Variants in DNAJC1 observed in about 807,000 individuals in gnomAD.
The protein encoded by DNAJC1 is DnaJ heat shock protein family (Hsp40) member C1, also known as dnaJ homolog subfamily C member 1.
A neutral mutation model predicts 76.6 loss-of-function variants in DNAJC1; 58 were observed. The observed-to-expected ratio is 0.76, with a 90% CI of 0.61 to 0.94. The LOEUF (loss-of-function observed/expected upper bound fraction) is 0.94. Among genes scored for constraint, DNAJC1 ranks in the 40% least tolerant of loss-of-function variants. DNAJC1 has a pLI of 0.00. For missense variants in DNAJC1, 689 were observed against 677.3 expected (o/e 1.02, Z -0.19); for synonymous variants, 258 against 267.9 (o/e 0.96, Z 0.36).
chr10:21,960,502 A>G (rs1255295016), intron 1 of DNAJC1, among the ~76,000 whole-genome samples: 1 of 152,210 alleles, frequency 6.6e-6, no homozygotes, highest in Non-Finnish European at 1.5e-5. Flanking sequence ...ACTTGAGCCC[A>G]GGAGTTAAAG....
chr10:21,941,773 T>C (rs1477954074), intron 1 of DNAJC1, among the ~76,000 whole-genome samples: 2 of 151,978 alleles, frequency 1.3e-5, no homozygotes, highest in East Asian at 1.9e-4. Flanking sequence ...GACAACCTAA[T>C]AGTGGCCTAG....
intron 9 of DNAJC1, among the ~76,000 whole-genome samples, chr10:21,797,645 G>C (rs1206146588): frequency 6.6e-6 from 1 of 152,194 alleles, no homozygotes. Context: ...CCTCATGAAT[G>C]GGTTAATGAC....
intron 9 of DNAJC1, 83 bp from the exon 10 acceptor site, chr10:21,766,392 G>T: frequency 1.0e-6 from 1 of 1,003,950 alleles, no homozygotes; most frequent in Non-Finnish European, 1.6e-6. Flanking sequence ...TAAGCTCCAT[G>T]TGAATGAACA....
At chr10:21,918,153 C>G (rs1339126274) in intron 6 of DNAJC1, among the ~76,000 whole-genome samples, 1 of 151,528 alleles carries the variant, frequency 6.6e-6, no homozygotes. Context: ...ATTAACAAAG[C>G]AATAATTTAA....
At chr10:21,968,764 C>T (rs1010940839) in intron 1 of DNAJC1, among the ~76,000 whole-genome samples, 1 of 152,130 alleles carries the variant, frequency 6.6e-6, no homozygotes, top group African/African-American at 2.4e-5. Flanking sequence ...CCCACCTAGG[C>T]CCTGCAAAGT....
At chr10:21,960,612 C>A (rs1446336799) in intron 1 of DNAJC1, among the ~76,000 whole-genome samples, 2 of 152,122 alleles carry the variant, frequency 1.3e-5, no homozygotes, top group East Asian at 3.9e-4. Context: ...ATCACTTGAG[C>A]CCTGGAGGTT....
intron 9 of DNAJC1, among the ~76,000 whole-genome samples, chr10:21,803,481 G>C (rs1021537542): frequency 2.0e-5 from 3 of 152,002 alleles, no homozygotes; most frequent in African/African-American, 7.2e-5. Context: ...CATTATACTA[G>C]AGAAACAATA....
At chr10:21,786,443 T>C (rs1462640598) in intron 9 of DNAJC1, among the ~76,000 whole-genome samples, 2 of 97,568 alleles carry the variant, frequency 2.0e-5, no homozygotes, top group Non-Finnish European at 4.2e-5. Context: ...TATATATATA[T>C]ATATATATAT....
At chr10:21,798,410 C>T (rs1416802864) in intron 9 of DNAJC1, among the ~76,000 whole-genome samples, 1 of 152,192 alleles carries the variant, frequency 6.6e-6, no homozygotes, top group Non-Finnish European at 1.5e-5. Flanking sequence ...CCAAAAAGGG[C>T]CAATATGGCC....
intron 1 of DNAJC1, among the ~76,000 whole-genome samples, chr10:21,930,847 T>C (rs1437909018): frequency 1.3e-5 from 2 of 152,208 alleles, no homozygotes; most frequent in Non-Finnish European, 2.9e-5. Context: ...CAATCTCTAA[T>C]TGGGATTTTA....
intron 1 of DNAJC1, among the ~76,000 whole-genome samples, chr10:21,994,508 G>T (rs1220619451): frequency 6.6e-6 from 1 of 152,128 alleles, no homozygotes; most frequent in Non-Finnish European, 1.5e-5. Context: ...TAAGAAGTTG[G>T]CCAGGCGCGG....
At chr10:21,866,636 C>A (rs1836005715) in intron 8 of DNAJC1, among the ~76,000 whole-genome samples, 1 of 151,942 alleles carries the variant, frequency 6.6e-6, no homozygotes, top group Non-Finnish European at 1.5e-5. Context: ...ACAAGCAACC[C>A]CAAACTAATA....
At chr10:21,924,798 TTGTATAGCTTCTACACA>T (rs1837096654) in intron 3 of DNAJC1, among the ~76,000 whole-genome samples, 1 of 152,354 alleles carries the variant, frequency 6.6e-6, no homozygotes, top group African/African-American at 2.4e-5. Context: ...CAAACCTATG[TTGTATAGCTTCTACACA>T]TGTAGGCTAT....
chr10:21,768,368 A>T (rs1834326573), intron 9 of DNAJC1, among the ~76,000 whole-genome samples: 2 of 152,220 alleles, frequency 1.3e-5, no homozygotes, highest in Admixed American at 6.5e-5. Flanking sequence ...AAGAGCCGAG[A>T]GTCAGGCAGA....
intron 1 of DNAJC1, among the ~76,000 whole-genome samples, chr10:21,993,842 T>C (rs1838367792): frequency 6.6e-6 from 1 of 152,190 alleles, no homozygotes; most frequent in South Asian, 2.1e-4. Flanking sequence ...CTTCTAGCTC[T>C]ATATTTTCCC....
At chr10:21,911,302 G>A (rs1015539515) in intron 6 of DNAJC1, among the ~76,000 whole-genome samples, 3 of 152,028 alleles carry the variant, frequency 2.0e-5, no homozygotes, top group African/African-American at 7.2e-5. Flanking sequence ...TTCAATGTAG[G>A]AAAATACCAT....
intron 9 of DNAJC1, among the ~76,000 whole-genome samples, chr10:21,778,648 G>A (rs1477786141): frequency 6.6e-6 from 1 of 152,214 alleles, no homozygotes; most frequent in Non-Finnish European, 1.5e-5. Flanking sequence ...AACAGCTCTA[G>A]TCTACAGCTC....
At chr10:21,926,492 G>A (rs1590052259) in intron 3 of DNAJC1, among the ~76,000 whole-genome samples, 2 of 152,078 alleles carry the variant, frequency 1.3e-5, no homozygotes, top group East Asian at 3.8e-4. Flanking sequence ...AAATAACTGT[G>A]ATACCAAAAT....
intron 9 of DNAJC1, among the ~76,000 whole-genome samples, chr10:21,775,472 C>T (rs2131624175): frequency 6.7e-6 from 1 of 148,882 alleles, no homozygotes; most frequent in East Asian, 2.0e-4. Context: ...ATTTATGATT[C>T]TAGGTAGATA....
Sources: gnomAD v4.1 joint callset for allele counts (sites outside exome capture counted in the v4.1 genomes callset) on GRCh38, gnomAD v4.1.1 for gene constraint, MANE v1.5 for transcripts, NCBI Gene and HGNC (gene_info 2026-07-23, HGNC 2026-07-21) for gene names.